Variants in THSD4 observed in about 807,000 individuals in gnomAD.
THSD4 encodes thrombospondin type-1 domain-containing protein 4.
Under a neutral mutation model 119.0 loss-of-function variants are expected in THSD4, and 69 were observed. The ratio of observed to expected loss-of-function variants is 0.58; its 90% confidence interval spans 0.48 to 0.71. The LOEUF is 0.71. Ranked by LOEUF, THSD4 falls within the 30% of genes least tolerant of loss-of-function variation. The pLI, the probability that THSD4 is intolerant of heterozygous loss-of-function variation, is 0.00. For synonymous variants in THSD4, 524 were observed against 540.4 expected (o/e 0.97, Z 0.42); for missense variants, 1,393 against 1,391.1 (o/e 1.00, Z -0.02).
chr15:71,220,868 G>C (rs960579274), intron 4 of THSD4, among the ~76,000 whole-genome samples: 1 of 152,112 alleles, frequency 6.6e-6, no homozygotes, highest in African/African-American at 2.4e-5. Flanking sequence ...AGTGTGGCTT[G>C]CTCAGAAAAA....
At chr15:71,744,451 T>C (rs1348287428) in intron 11 of THSD4, among the ~76,000 whole-genome samples, 1 of 152,118 alleles carries the variant, frequency 6.6e-6, no homozygotes, top group East Asian at 1.9e-4. Flanking sequence ...ATTGGATGGG[T>C]ACTTTATTAG....
intron 7 of THSD4, among the ~76,000 whole-genome samples, chr15:71,624,738 A>T (rs1215813692): frequency 6.6e-6 from 1 of 152,118 alleles, no homozygotes; most frequent in Non-Finnish European, 1.5e-5. Context: ...TCCAACTCAT[A>T]TGGTGGCATG....
chr15:71,379,222 T>A (rs1229244694), intron 6 of THSD4, among the ~76,000 whole-genome samples: 1 of 152,092 alleles, frequency 6.6e-6, no homozygotes, highest in African/African-American at 2.4e-5. Context: ...AAAGTACATC[T>A]TAGCTGTTGG....
intron 7 of THSD4, among the ~76,000 whole-genome samples, chr15:71,563,088 G>A (rs991703562): frequency 6.6e-6 from 1 of 152,172 alleles, no homozygotes; most frequent in Non-Finnish European, 1.5e-5. Flanking sequence ...CTCCCAGTAA[G>A]CCTGTAAGCA....
At chr15:71,407,360 C>T (rs1414976101) in intron 6 of THSD4, among the ~76,000 whole-genome samples, 4 of 152,194 alleles carry the variant, frequency 2.6e-5, no homozygotes, top group African/African-American at 4.8e-5. Flanking sequence ...TAAGTCATTA[C>T]AATGAGTCCT....
chr15:71,640,319 G>A (rs183398715), intron 7 of THSD4, among the ~76,000 whole-genome samples: 201 of 151,894 alleles, frequency 1.3e-3, no homozygotes, highest in Non-Finnish European at 2.5e-3. Context: ...GGGCTCAAGC[G>A]ATCCCCCAAC....
chr15:71,175,033 G>A lies in THSD4; in HGVS notation c.99+20101G>A, dbSNP rs935207311. 6.9e-4 allele frequency among the ~76,000 whole-genome samples: 98 copies of A among 141,536 alleles called. No homozygotes were observed. The South Asian group carries it at 0.012, about 18-fold the overall frequency. The allele number at this position is 141,536 out of a possible 152,430, so 92.9% of individuals were successfully genotyped here. On this transcript the variant is annotated intron_variant, in intron 3 of 17. Transcript: ENST00000261862. ...AAAAGTAGATAAAACCACAAAGATGGGGAAAAAACAGAACAGAAAAACTGG... is the reference window on the plus strand; with the variant it reads ...AAAAGTAGATAAAACCACAAAGATGAGGAAAAAACAGAACAGAAAAACTGG...
rs185567932 is a variant in THSD4 at position 71,670,359 on chromosome 15, C to T, written c.1357+9625C>T. The stretch of plus-strand genomic sequence containing the variant: ...GGTTTTCTGTCCTGGCAATAGTTTG[C>T]TCAGAATGATGGTTTCCAGCTTCAT... On this transcript the variant is annotated intron_variant, in intron 8 of 17. Transcript: ENST00000261862. Among the ~76,000 whole-genome samples, 474 of 151,846 alleles carry T rather than the reference C, an allele frequency of 3.1e-3. 2 individuals are homozygous for T. Among genetic ancestry groups the T allele is most frequent in the African/African-American group, 0.011 (453 of 41,388 alleles).
At position 71,564,764 on chromosome 15, in the gene THSD4, CAATATATATTGTATATTATAACAT is replaced by C. The variant is rs1567039305; in HGVS notation, c.1153-95764_1153-95741del. Among the ~76,000 whole-genome samples, 3 of 41,694 alleles carry C rather than the reference CAATATATATTGTATATTATAACAT, an allele frequency of 7.2e-5. 1 individual carries two copies. The highest frequency in any genetic ancestry group is 3.3e-4 in the African/African-American group (3 of 9,104). 27.4% of individuals were successfully genotyped at this position (41,694 alleles called of 152,430 possible). A position where few individuals can be genotyped will look rare whatever the true frequency, so the allele number is the denominator to read the frequency against. On this transcript the variant is annotated intron_variant, in intron 7 of 17. Coordinates refer to ENST00000261862, the MANE Select transcript of THSD4 (RefSeq NM_024817.3). ...ACAATATATAGTATAACATATAATA[CAATATATATTGTATATTATAACAT>C]ATAATACAATATATATTGTATATTA... is the stretch of plus-strand genomic sequence containing the variant.
intron 6 of THSD4, among the ~76,000 whole-genome samples, chr15:71,319,291 T>C (rs1162376673): frequency 6.6e-6 from 1 of 152,108 alleles, no homozygotes; most frequent in African/African-American, 2.4e-5. Context: ...GTGCACAACG[T>C]GCAGGTTTGT....
At chr15:71,286,370 T>C (rs2140319899) in intron 6 of THSD4, among the ~76,000 whole-genome samples, 1 of 152,320 alleles carries the variant, frequency 6.6e-6, no homozygotes, top group Admixed American at 6.5e-5. Flanking sequence ...ATCCATGTGT[T>C]CTCATAATTT....
chr15:71,315,448 T>G (rs1418898882), intron 6 of THSD4, among the ~76,000 whole-genome samples: 4 of 152,180 alleles, frequency 2.6e-5, no homozygotes, highest in African/African-American at 9.7e-5. Context: ...CACTCCGTCT[T>G]CTCTACTCCA....
intron 6 of THSD4, among the ~76,000 whole-genome samples, chr15:71,274,059 C>T (rs1258245470): frequency 6.6e-6 from 1 of 152,188 alleles, no homozygotes; most frequent in Non-Finnish European, 1.5e-5. Context: ...TTAGCTTAGG[C>T]CACATCCCAC....
At chr15:71,403,599 C>G (rs1168856566) in intron 6 of THSD4, among the ~76,000 whole-genome samples, 1 of 152,134 alleles carries the variant, frequency 6.6e-6, no homozygotes, top group East Asian at 1.9e-4. Flanking sequence ...AATGCAAGGC[C>G]CTGACCACCC....
At chr15:71,208,148 C>G (rs1189239708) in intron 3 of THSD4, among the ~76,000 whole-genome samples, 1 of 152,178 alleles carries the variant, frequency 6.6e-6, no homozygotes, top group African/African-American at 2.4e-5. Context: ...CATTGCCTAC[C>G]TTGGCTTTAG....
intron 8 of THSD4, among the ~76,000 whole-genome samples, chr15:71,711,226 A>G (rs2052509040): frequency 6.6e-6 from 1 of 151,758 alleles, no homozygotes; most frequent in African/African-American, 2.4e-5. Flanking sequence ...TTTTTTGAAA[A>G]TAGGCTTTAT....
At chr15:71,112,182 C>A (rs1166577400), upstream of THSD4, 1 of 1,613,746 alleles carries the variant, frequency 6.2e-7, no homozygotes, top group Admixed American at 1.7e-5. Context: ...CTGGGAACCA[C>A]AGGAGAAATG....
chr15:71,620,011 G>C (rs2050392839), intron 7 of THSD4, among the ~76,000 whole-genome samples: 1 of 152,174 alleles, frequency 6.6e-6, no homozygotes, highest in South Asian at 2.1e-4. Flanking sequence ...CTAGAAGTCA[G>C]TGAGAAGAAA....
chr15:71,268,845 A>G (rs1386012036), intron 6 of THSD4, among the ~76,000 whole-genome samples: 1 of 152,210 alleles, frequency 6.6e-6, no homozygotes, highest in Non-Finnish European at 1.5e-5. Context: ...CTCTATGCAA[A>G]TAAACTAGAA....
Sources: allele counts gnomAD v4.1 joint callset (sites outside exome capture counted in the v4.1 genomes callset), GRCh38; gene constraint gnomAD v4.1.1; transcripts MANE v1.5; gene names NCBI Gene and HGNC (gene_info 2026-07-23, HGNC 2026-07-21).